The following HLF variants were observed in gnomAD, a reference collection of about 807,000 sequenced individuals.
The protein encoded by HLF is hepatic leukemia factor.
Under a neutral mutation model 22.6 loss-of-function variants are expected in HLF, and 3 were observed. That is an observed-to-expected ratio of 0.13 (90% confidence interval 0.06 to 0.34). The LOEUF is 0.34. Among genes scored for constraint, HLF ranks in the 10% least tolerant of loss-of-function variants. The pLI is 1.00. For synonymous variants in HLF, 151 were observed against 151.8 expected (o/e 0.99, Z 0.04); for missense variants, 299 against 389.2 (o/e 0.77, Z 1.95).
chr17:55,299,752 A>C (rs541700461), intron 2 of HLF, among the ~76,000 whole-genome samples: 13 of 151,838 alleles, frequency 8.6e-5, no homozygotes, highest in Non-Finnish European at 1.9e-4. Context: ...TTTTTTGAAA[A>C]ATATTTTTTA....
intron 2 of HLF, among the ~76,000 whole-genome samples, chr17:55,299,324 A>G (rs1213179448): frequency 6.6e-6 from 1 of 152,200 alleles, no homozygotes; most frequent in African/African-American, 2.4e-5. Flanking sequence ...ACTAATAGGG[A>G]GACAGCCTGT....
At chr17:55,316,254 T>G (rs1905059943) in intron 3 of HLF, among the ~76,000 whole-genome samples, 2 of 152,238 alleles carry the variant, frequency 1.3e-5, no homozygotes, top group African/African-American at 4.8e-5. Flanking sequence ...TCATGCTTCT[T>G]TCCAATCATG....
intron 2 of HLF, among the ~76,000 whole-genome samples, chr17:55,268,362 C>T (rs1008992713): frequency 3.9e-5 from 6 of 152,194 alleles, no homozygotes; most frequent in African/African-American, 1.4e-4. Flanking sequence ...TGCATTTTAA[C>T]CAGCTCCCCC....
chr17:55,277,825 T>C (rs2080919974), intron 2 of HLF, among the ~76,000 whole-genome samples: 1 of 152,216 alleles, frequency 6.6e-6, no homozygotes, highest in South Asian at 2.1e-4. Context: ...TACAGGAGTG[T>C]TGGCAGAATC....
At position 55,321,642 on chromosome 17, in the gene HLF, A is replaced by G. The variant is rs1441578266; in HGVS notation, c.*763A>G. 4.4e-6 allele frequency: 1 copy of G among 228,138 alleles called. No individual in the cohort carries two copies. The highest frequency in any genetic ancestry group is 8.7e-6 in the Non-Finnish European group (1 of 114,752). 14.1% of individuals were successfully genotyped at this position (228,138 alleles called of 1,614,324 possible). A position where few individuals can be genotyped will look rare whatever the true frequency, so the allele number is the denominator to read the frequency against. On this transcript the variant is annotated 3_prime_UTR_variant, in exon 4 of 4. Coordinates refer to ENST00000226067, the MANE Select transcript of HLF (RefSeq NM_002126.5). ...GTACGCTAGAGCATGCTGCCTGAGT[A>G]TTACTAGTGGACGTAGGATATTTTC...
chr17:55,321,486 G>T lies in HLF; in HGVS notation c.*607G>T, dbSNP rs994607676. ...ATTAAAGTGCTGTTTAGATTTATTA[G>T]ATCCCATATTTACTTACTGCTATCT... On this transcript the variant is annotated 3_prime_UTR_variant, in exon 4 of 4. Transcript: ENST00000226067. 4.3e-6 allele frequency: 1 copy of T among 230,508 alleles called. No individual in the cohort carries two copies. The highest frequency in any genetic ancestry group is 8.6e-6 in the Non-Finnish European group (1 of 116,228). The allele number at this position is 230,508 out of a possible 1,614,324, so 14.3% of individuals were successfully genotyped here.
intron 2 of HLF, among the ~76,000 whole-genome samples, chr17:55,300,215 A>G (rs1468546827): frequency 6.6e-6 from 1 of 152,184 alleles, no homozygotes; most frequent in Non-Finnish European, 1.5e-5. Context: ...CAACAGTGTA[A>G]CCAGGGAAAC....
At chr17:55,318,748 T>C (rs1905161276) in intron 3 of HLF, among the ~76,000 whole-genome samples, 1 of 152,224 alleles carries the variant, frequency 6.6e-6, no homozygotes, top group Non-Finnish European at 1.5e-5. Context: ...TTGTTGGGTA[T>C]AGATTTACTG....
intron 3 of HLF, among the ~76,000 whole-genome samples, chr17:55,316,612 G>A (rs770058755): frequency 1.3e-5 from 2 of 152,204 alleles, no homozygotes; most frequent in Non-Finnish European, 2.9e-5. Context: ...TGCAGTTGAG[G>A]AAATGCAGAA....
chr17:55,307,237 T>G (rs1221537474), intron 2 of HLF, among the ~76,000 whole-genome samples: 1 of 137,776 alleles, frequency 7.3e-6, no homozygotes, highest in Non-Finnish European at 1.5e-5. Flanking sequence ...CACTGTAGCC[T>G]CCACCTCACA....
intron 2 of HLF, chr17:55,272,357 C>T (rs2080865919): frequency 6.6e-6 from 1 of 152,212 alleles, no homozygotes; most frequent in Non-Finnish European, 1.5e-5. Context: ...ATATTACATG[C>T]TTGTAAAGCC....
intron 2 of HLF, among the ~76,000 whole-genome samples, chr17:55,301,785 G>A (rs1255381804): frequency 6.6e-6 from 1 of 152,228 alleles, no homozygotes; most frequent in Non-Finnish European, 1.5e-5. Context: ...TCTGGTGGCT[G>A]TGTTGGCAGA....
intron 2 of HLF, among the ~76,000 whole-genome samples, chr17:55,302,536 G>C (rs1045464819): frequency 2.6e-5 from 4 of 152,100 alleles, no homozygotes; most frequent in Non-Finnish European, 5.9e-5. Context: ...GGGTGTCACC[G>C]GGGGAGCATA....
chr17:55,290,292 C>CTTTG (rs1262953656), intron 2 of HLF, among the ~76,000 whole-genome samples: 2 of 152,186 alleles, frequency 1.3e-5, no homozygotes, highest in Non-Finnish European at 2.9e-5. Context: ...CCATATTACA[C>CTTTG]TTTGCCGATA....
At chr17:55,271,248 T>C (rs2080854456) in intron 2 of HLF, among the ~76,000 whole-genome samples, 1 of 152,192 alleles carries the variant, frequency 6.6e-6, no homozygotes, top group Non-Finnish European at 1.5e-5. Flanking sequence ...CAAGAAGAAA[T>C]AGAATATTAA....
chr17:55,315,251 A>G lies in HLF; in HGVS notation c.476A>G (p.Asn159Ser), dbSNP rs1235302436. Residue 159 changes from asparagine to serine, a missense_variant, in exon 3 of 4, where the codon AAT becomes AGT. Physicochemically the swap from Asn to Ser is conservative, Grantham distance 46. Transcript: ENST00000226067. ...GGTCAGCTGTTGCCAGCAAACCGCAATACACCAAGTCCCATTGATCCTGAC... is the reference window on the plus strand; with the variant it reads ...GGTCAGCTGTTGCCAGCAAACCGCAGTACACCAAGTCCCATTGATCCTGAC... ...RPGQLLPANR[N>S]TPSPIDPDTI... The G allele has an allele frequency of 1.2e-6, 2 of 1,614,086 alleles. No homozygotes were observed. Among genetic ancestry groups the G allele is most frequent in the African/African-American group, 2.7e-5 (2 of 74,948 alleles).
intron 2 of HLF, among the ~76,000 whole-genome samples, chr17:55,295,833 C>A (rs1317362675): frequency 2.6e-5 from 4 of 152,172 alleles, no homozygotes; most frequent in Non-Finnish European, 5.9e-5. Context: ...AGAGAAAAGA[C>A]AACAGGGAAA....
At chr17:55,291,051 G>C (rs1174541067) in intron 2 of HLF, among the ~76,000 whole-genome samples, 2 of 152,206 alleles carry the variant, frequency 1.3e-5, no homozygotes, top group African/African-American at 2.4e-5. Flanking sequence ...AGCTACAGAA[G>C]AAAGGTTTGA....
intron 3 of HLF, among the ~76,000 whole-genome samples, chr17:55,317,073 T>C (rs1905101667): frequency 6.8e-6 from 1 of 146,176 alleles, no homozygotes; most frequent in South Asian, 2.3e-4. Flanking sequence ...GTTCAAGCCA[T>C]CCTCATGCCT....
Sources: gnomAD v4.1 joint callset for allele counts (sites outside exome capture counted in the v4.1 genomes callset) on GRCh38, gnomAD v4.1.1 for gene constraint, MANE v1.5 for transcripts, NCBI Gene and HGNC (gene_info 2026-07-23, HGNC 2026-07-21) for gene names.